The following LYST variants were observed in gnomAD, a reference collection of about 807,000 sequenced individuals.
LYST encodes lysosomal-trafficking regulator.
A neutral mutation model predicts 413.6 loss-of-function variants in LYST; 192 were observed. That is an observed-to-expected ratio of 0.46 (90% CI 0.41 to 0.52). The LOEUF (loss-of-function observed/expected upper bound fraction) is 0.52, where lower values mean the gene tolerates loss of function less well. Ranked by LOEUF, LYST falls within the 20% of genes least tolerant of loss-of-function variation. LYST has a pLI of 0.00. For missense variants in LYST, 3,815 were observed against 4,499.9 expected, an observed-to-expected ratio of 0.85 and a Z score of 4.35; for synonymous variants, 1,525 against 1,567.3, an observed-to-expected ratio of 0.97 and a Z score of 0.64.
chr1:235,662,608 T>C lies in LYST; in HGVS notation c.*332A>G, dbSNP rs535867514. 1 of 348,446 alleles carries C rather than the reference T, an allele frequency of 2.9e-6. No individual in the cohort carries two copies. Among genetic ancestry groups the C allele is most frequent in the South Asian group, 2.6e-5 (1 of 39,208 alleles). 21.6% of individuals were successfully genotyped at this position (348,446 alleles called of 1,614,324 possible). A position where few individuals can be genotyped will look rare whatever the true frequency, so the allele number is the denominator to read the frequency against. On this transcript the variant is annotated 3_prime_UTR_variant, in exon 53 of 53. Coordinates refer to ENST00000389793, the MANE Select transcript of LYST (RefSeq NM_000081.4). ...TTAAATTCTACTGGTCCTTTTGGAA[T>C]CATAGAAAAAGGGGAGACCTTAATA... is the stretch of plus-strand genomic sequence containing the variant.
chr1:235,663,096 T>C lies in LYST; in HGVS notation c.11268-18A>G. On this transcript the variant is annotated intron_variant, in intron 52 of 52. Coordinates refer to ENST00000389793, the MANE Select transcript of LYST (RefSeq NM_000081.4). ...ATGTAAGGCTGTAAAAAAAAAAAAA[T>C]TCCCATTTGTACATTATATTTCTTA... 1 of 1,359,082 alleles carries C rather than the reference T, an allele frequency of 7.4e-7. No individual in the cohort carries two copies. Among genetic ancestry groups the C allele is most frequent in the East Asian group, 2.3e-5 (1 of 43,650 alleles). 84.2% of individuals were successfully genotyped at this position (1,359,082 alleles called of 1,614,324 possible).
At chr1:235,828,793 C>T (rs764937291) in intron 3 of LYST, 15 of 782,496 alleles carry the variant, frequency 1.9e-5, no homozygotes, top group Non-Finnish European at 2.3e-5. Context: ...AATCACTATA[C>T]ATGGTCTAAC....
rs549373796 is a variant in LYST, at chr1:235,762,797, C to T, written c.6176G>A (p.Ser2059Asn). 6.2e-7 allele frequency: 1 copy of T among 1,613,172 alleles called. No homozygotes were observed. The highest frequency in any genetic ancestry group is 8.5e-7 in the Non-Finnish European group (1 of 1,179,284). Reference protein sequence around the residue: ...VRSIMYLRHSSSGGRSLMSPG... With the variant: ...VRSIMYLRHSNSGGRSLMSPG... Reference sequence around the variant, plus strand: ...GCTCATAAGGGACCTTCCTCCACTGCTGGAATGCCTCAGGTACATGATTGA... The same window carrying T: ...GCTCATAAGGGACCTTCCTCCACTGTTGGAATGCCTCAGGTACATGATTGA... The change falls in exon 22 of 53, where the codon AGC (serine) becomes AAC (asparagine). Residue 2059 changes from serine to asparagine, a missense_variant. Physicochemically the swap from Ser to Asn is conservative, Grantham distance 46 (BLOSUM62 1). Around this residue, in one of 4 missense-constraint regions of LYST, gnomAD observed 530 missense variants for 696.5 expected, o/e 0.76. Coordinates refer to ENST00000389793, the MANE Select transcript of LYST (RefSeq NM_000081.4).
At chr1:235,667,111 A>G (rs1658558513) in intron 50 of LYST, among the ~76,000 whole-genome samples, 1 of 152,244 alleles carries the variant, frequency 6.6e-6, no homozygotes, top group Non-Finnish European at 1.5e-5. Context: ...ACAGTTACCC[A>G]ATACCAGATT....
At chr1:235,830,987 T>C (rs1675909357) in intron 2 of LYST, among the ~76,000 whole-genome samples, 1 of 152,092 alleles carries the variant, frequency 6.6e-6, no homozygotes, top group African/African-American at 2.4e-5. Context: ...ATGTGACATT[T>C]TAAGATTAAG....
At chr1:235,853,310 GC>G (rs577575315) in intron 1 of LYST, among the ~76,000 whole-genome samples, 184 of 152,206 alleles carry the variant, frequency 1.2e-3, no homozygotes, top group African/African-American at 4.2e-3. Context: ...TTAAGAATTG[GC>G]TCTGAACTAG....
At position 235,731,137 on chromosome 1, in the gene LYST, G is replaced by T; in HGVS notation, c.8842C>A (p.Gln2948Lys). ...TTTGGCCCTTCTGTTGGATCCAACTGCCATGAGGTTGGATAGTAGATGGGG... is the reference window on the plus strand; with the variant it reads ...TTTGGCCCTTCTGTTGGATCCAACTTCCATGAGGTTGGATAGTAGATGGGG... ...YDPIYYPTSW[Q>K]LDPTEGPNRE... is the part of the protein sequence containing the mutation. The change falls in exon 35 of 53, where the codon CAG (glutamine) becomes AAG (lysine). Residue 2948 changes from glutamine to lysine, a missense_variant. Physicochemically the swap from Gln to Lys is moderately conservative, Grantham distance 53. Around this residue, in one of 4 missense-constraint regions of LYST, gnomAD observed 866 missense variants for 1,156.0 expected, o/e 0.75. Transcript: ENST00000389793. The T allele has an allele frequency of 6.2e-7, 1 of 1,613,630 alleles. No homozygotes were observed. Among genetic ancestry groups the T allele is most frequent in the Non-Finnish European group, 8.5e-7 (1 of 1,179,612 alleles).
chr1:235,791,065 C>G (rs760583220), intron 12 of LYST, among the ~76,000 whole-genome samples: 2 of 152,144 alleles, frequency 1.3e-5, no homozygotes, highest in African/African-American at 2.4e-5. Context: ...GGGCAGATCA[C>G]CTGAGGTCAG....
Position 235,801,090 on chromosome 1 carries a change from G to A in LYST, c.3720C>T (p.Asp1240=). 1 of 1,595,884 alleles carries A rather than the reference G, an allele frequency of 6.3e-7. No homozygotes were observed. Among genetic ancestry groups the A allele is most frequent in the African/African-American group, 1.3e-5 (1 of 74,608 alleles). Residue 1240 remains aspartate (D), a synonymous_variant, in exon 9 of 53, where the codon GAC becomes GAT. Coordinates refer to ENST00000389793, the MANE Select transcript of LYST (RefSeq NM_000081.4). ...EDGETQDDGV[D]LKSETEGFSA... is the part of the protein sequence containing the mutation. Reference sequence around the variant, plus strand: ...TGAAACCTTCTGTTTCAGACTTTAAGTCTACCCCTGAAAAGAGAAAAGCGA... The same window carrying A: ...TGAAACCTTCTGTTTCAGACTTTAAATCTACCCCTGAAAAGAGAAAAGCGA...
At chr1:235,825,422 T>G (rs139708462) in intron 3 of LYST, among the ~76,000 whole-genome samples, 2 of 152,320 alleles carry the variant, frequency 1.3e-5, no homozygotes, top group African/African-American at 4.8e-5. Flanking sequence ...GATGACATCA[T>G]TATTTACATA....
intron 20 of LYST, among the ~76,000 whole-genome samples, chr1:235,767,524 T>G (rs1668263242): frequency 6.6e-6 from 1 of 152,134 alleles, no homozygotes; most frequent in African/African-American, 2.4e-5. Context: ...TCCATGTATC[T>G]TCTTAACTTT....
intron 1 of LYST, among the ~76,000 whole-genome samples, chr1:235,852,416 C>T (rs1678648618): frequency 6.6e-6 from 1 of 152,178 alleles, no homozygotes; most frequent in Non-Finnish European, 1.5e-5. Context: ...GATAGTACCA[C>T]GTAAGGCAAA....
intron 31 of LYST, chr1:235,735,751 T>C (rs776353278): frequency 6.6e-6 from 1 of 152,154 alleles, no homozygotes; most frequent in Admixed American, 6.5e-5. Flanking sequence ...ACATGCTGAA[T>C]CACATCGTGT....
At chr1:235,769,632 T>TACCAATAAA (rs1311060330) in intron 20 of LYST, among the ~76,000 whole-genome samples, 32 of 152,016 alleles carry the variant, frequency 2.1e-4, no homozygotes, top group African/African-American at 7.5e-4. Context: ...TGGTATTAGA[T>TACCAATAAA]GATATCAATA....
chr1:235,700,780 T>C (rs1661483812), intron 45 of LYST, among the ~76,000 whole-genome samples: 1 of 152,180 alleles, frequency 6.6e-6, no homozygotes, highest in African/African-American at 2.4e-5. Flanking sequence ...ATTTAAAAAA[T>C]GCTGAGTGTC....
At chr1:235,845,002 T>C (rs556835804) in intron 1 of LYST, among the ~76,000 whole-genome samples, 4 of 152,162 alleles carry the variant, frequency 2.6e-5, no homozygotes, top group Admixed American at 1.3e-4. Flanking sequence ...CAGGACTAGA[T>C]TGCAGCTCTG....
At chr1:235,796,853 T>C (rs1231782640) in intron 10 of LYST, among the ~76,000 whole-genome samples, 5 of 152,152 alleles carry the variant, frequency 3.3e-5, no homozygotes, top group Non-Finnish European at 7.4e-5. Context: ...TCAGCACAAA[T>C]GGGACTAAGG....
In LYST at chr1:235,791,527, C is replaced by A. The variant is rs1388761389; in HGVS notation, c.4543+172G>T. The A allele has an allele frequency of 3.4e-5, 22 of 650,234 alleles. No homozygotes were observed. In the East Asian group the frequency reaches 5.8e-4, roughly 17 times the overall value. The allele number at this position is 650,234 out of a possible 1,614,324, so 40.3% of individuals were successfully genotyped here. A position where few individuals can be genotyped will look rare whatever the true frequency, so the allele number is the denominator to read the frequency against. ...AAGTTTCCGTAATAGAGATTCAAGG[C>A]TTTATGACAACTCATGCTTTGATAA... On this transcript the variant is annotated intron_variant, in intron 12 of 52. Transcript: ENST00000389793.
intron 21 of LYST, among the ~76,000 whole-genome samples, chr1:235,764,437 T>C (rs1667904685): frequency 1.3e-5 from 2 of 152,092 alleles, no homozygotes; most frequent in South Asian, 4.1e-4. Context: ...TCTAATTTCA[T>C]TTGGACATTT....
Sources: allele counts gnomAD v4.1 joint callset (sites outside exome capture counted in the v4.1 genomes callset), GRCh38; gene constraint gnomAD v4.1.1; regional missense constraint gnomAD v4.1.1; transcripts MANE v1.5; gene names NCBI Gene and HGNC (gene_info 2026-07-23, HGNC 2026-07-21).